LRMDA: variants seen among roughly 807,000 people sequenced by gnomAD.
The protein encoded by LRMDA is leucine rich melanocyte differentiation associated.
Under a neutral mutation model 29.8 loss-of-function variants are expected in LRMDA, and 18 were observed. The observed-to-expected ratio is 0.60, with a 90% CI of 0.42 to 0.90. The LOEUF (loss-of-function observed/expected upper bound fraction) is 0.90, where lower values mean the gene tolerates loss of function less well. Among genes scored for constraint, LRMDA ranks in the 40% least tolerant of loss-of-function variants. The pLI is 0.00. For missense variants in LRMDA, 273 were observed against 273.9 expected, an observed-to-expected ratio of 1.00 and a Z score of 0.02; for synonymous variants, 125 against 109.4, an observed-to-expected ratio of 1.14 and a Z score of -0.89.
chr10:75,941,908 C>T (rs528902561), intron 2 of LRMDA, among the ~76,000 whole-genome samples: 2 of 152,260 alleles, frequency 1.3e-5, no homozygotes, highest in Admixed American at 6.5e-5. Context: ...TTGTTCATGT[C>T]CTACTCTCTC....
chr10:76,265,690 A>G (rs1482345321), intron 5 of LRMDA, among the ~76,000 whole-genome samples: 1 of 152,164 alleles, frequency 6.6e-6, no homozygotes, highest in South Asian at 2.1e-4. Flanking sequence ...GTGACTGTAC[A>G]TTGGTTATTG....
intron 5 of LRMDA, among the ~76,000 whole-genome samples, chr10:76,257,795 C>T (rs1240935834): frequency 6.6e-6 from 1 of 152,102 alleles, no homozygotes; most frequent in African/African-American, 2.4e-5. Context: ...AGGTCACAGT[C>T]CTGTGGGTTG....
intron 2 of LRMDA, among the ~76,000 whole-genome samples, chr10:75,577,117 A>G (rs1235730267): frequency 1.3e-5 from 2 of 152,240 alleles, no homozygotes; most frequent in Admixed American, 6.5e-5. Context: ...TTTTAACCCA[A>G]TGCAAGGAAG....
chr10:75,685,954 A>T (rs1320433866), intron 2 of LRMDA, among the ~76,000 whole-genome samples: 2 of 152,138 alleles, frequency 1.3e-5, no homozygotes, highest in Non-Finnish European at 2.9e-5. Flanking sequence ...ATTATACCAG[A>T]TATATGAGGT....
chr10:75,922,832 A>G (rs1846048364), intron 2 of LRMDA, among the ~76,000 whole-genome samples: 1 of 152,182 alleles, frequency 6.6e-6, no homozygotes, highest in South Asian at 2.1e-4. Flanking sequence ...ATGTCTTGCT[A>G]GACTTTTTTC....
chr10:75,567,411 C>G (rs140997817), intron 2 of LRMDA, among the ~76,000 whole-genome samples: 1 of 152,164 alleles, frequency 6.6e-6, no homozygotes, highest in South Asian at 2.1e-4. Context: ...ATTCTAATAC[C>G]AATTATCACA....
intron 2 of LRMDA, among the ~76,000 whole-genome samples, chr10:75,802,335 G>GCACACACACA (rs10571839): frequency 7.0e-4 from 103 of 147,146 alleles, no homozygotes; most frequent in African/African-American, 2.3e-3. Flanking sequence ...ACACACACGC[G>GCACACACACA]CACACACACA....
chr10:75,512,252 T>C (rs1334742302), intron 2 of LRMDA, among the ~76,000 whole-genome samples: 3 of 152,186 alleles, frequency 2.0e-5, no homozygotes, highest in Non-Finnish European at 4.4e-5. Context: ...GCTGCTTCCC[T>C]CCTGGTAGGT....
chr10:75,879,838 G>A (rs1443753351), intron 2 of LRMDA, among the ~76,000 whole-genome samples: 4 of 152,076 alleles, frequency 2.6e-5, no homozygotes, highest in African/African-American at 9.7e-5. Flanking sequence ...AAATGCCTGG[G>A]TTATGACGAA....
chr10:76,146,678 C>T (rs1009244855), intron 5 of LRMDA, among the ~76,000 whole-genome samples: 1 of 152,236 alleles, frequency 6.6e-6, no homozygotes, highest in African/African-American at 2.4e-5. Context: ...GCTTTTAGCC[C>T]ATTTACATTT....
At position 75,927,954 on chromosome 10, in the gene LRMDA, G is replaced by A. The variant is rs1391278955; in HGVS notation, c.132-108054G>A. 3.9e-5 allele frequency among the ~76,000 whole-genome samples: 6 copies of A among 152,100 alleles called. No individual in the cohort carries two copies. In the East Asian group the frequency reaches 1.2e-3, roughly 29 times the overall value. On this transcript the variant is annotated intron_variant, in intron 2 of 6. Coordinates refer to ENST00000611255, the MANE Select transcript of LRMDA (RefSeq NM_001305581.2). ...AATAATAATGCTACCTGCCTCACAG[G>A]GTTGTTGTGAAAATTAAATGAGAAA...
intron 6 of LRMDA, among the ~76,000 whole-genome samples, chr10:76,360,488 A>G (rs1841298362): frequency 6.6e-6 from 1 of 152,212 alleles, no homozygotes; most frequent in Non-Finnish European, 1.5e-5. Flanking sequence ...CAATCTCTTC[A>G]GACCCTGTGT....
intron 2 of LRMDA, among the ~76,000 whole-genome samples, chr10:75,772,988 TACAAA>T (rs1843264703): frequency 6.6e-6 from 1 of 151,850 alleles, no homozygotes; most frequent in African/African-American, 2.4e-5. Context: ...TTAAGAAAAA[TACAAA>T]AGAAAAAGGA....
intron 2 of LRMDA, among the ~76,000 whole-genome samples, chr10:75,951,943 C>T (rs556581394): frequency 2.6e-5 from 4 of 152,240 alleles, no homozygotes; most frequent in Admixed American, 1.3e-4. Flanking sequence ...ACGGTGGTGG[C>T]GGCCACTTGG....
intron 2 of LRMDA, among the ~76,000 whole-genome samples, chr10:75,440,151 G>A (rs1270783868): frequency 6.7e-6 from 1 of 150,184 alleles, no homozygotes; most frequent in Admixed American, 6.7e-5. Context: ...TGGGAGGTGT[G>A]TATGTGTGGC....
chr10:76,292,136 G>A (rs1182779595), intron 5 of LRMDA, among the ~76,000 whole-genome samples: 1 of 152,170 alleles, frequency 6.6e-6, no homozygotes, highest in African/African-American at 2.4e-5. Flanking sequence ...GTCAGTACAA[G>A]GTTGCCCAGA....
intron 6 of LRMDA, among the ~76,000 whole-genome samples, chr10:76,544,510 T>C (rs1319141685): frequency 6.6e-6 from 1 of 152,110 alleles, no homozygotes; most frequent in Admixed American, 6.6e-5. Flanking sequence ...GGTGCCTTCA[T>C]TAAGTTTTAA....
chr10:75,621,224 A>ACC (rs35097090), intron 2 of LRMDA, among the ~76,000 whole-genome samples: 50,166 of 142,972 alleles, frequency 0.35, 9,122 homozygotes, highest in East Asian at 0.43. Context: ...ACACACACAC[A>ACC]CCCACACACC....
rs138449866 is a variant in LRMDA, at chr10:76,119,509, G to A, written c.516+60726G>A. ...TCCAAGATGTCCAGGGTCAGGGAGA[G>A]AAAGTGAAAACTGGGTTTTCTGCCC... is the stretch of plus-strand genomic sequence containing the variant. On this transcript the variant is annotated intron_variant, in intron 5 of 6. Transcript: ENST00000611255. Among the ~76,000 whole-genome samples the A allele has an allele frequency of 1.3e-4, 20 of 152,274 alleles. No individual in the cohort carries two copies. The East Asian group carries it at 3.9e-3, about 29-fold the overall frequency.
Sources: allele counts gnomAD v4.1 joint callset (sites outside exome capture counted in the v4.1 genomes callset), GRCh38; gene constraint gnomAD v4.1.1; transcripts MANE v1.5; gene names NCBI Gene and HGNC (gene_info 2026-07-23, HGNC 2026-07-21).